The following ATP8B1 variants were observed in gnomAD, a reference collection of about 807,000 sequenced individuals.
ATP8B1 encodes ATPase phospholipid transporting 8B1.
ATP8B1 carries 80 observed loss-of-function variants against 149.9 expected under a neutral mutation model. The ratio of observed to expected loss-of-function variants is 0.53; its 90% CI spans 0.45 to 0.64. The LOEUF is 0.64. ATP8B1 is among the 30% of genes least tolerant of loss of function. The pLI is 0.00. For synonymous variants in ATP8B1, 536 were observed against 562.8 expected (o/e 0.95, Z 0.67); for missense variants, 1,247 against 1,552.6 (o/e 0.80, Z 3.31).
chr18:57,717,819 T>G (rs1215581677), intron 2 of ATP8B1, among the ~76,000 whole-genome samples: 2 of 150,042 alleles, frequency 1.3e-5, no homozygotes, highest in Non-Finnish European at 3.0e-5. Flanking sequence ...CACTGCAACC[T>G]CCGCCTCCCA....
chr18:57,789,343 C>T (rs1176736932), intron 1 of ATP8B1, among the ~76,000 whole-genome samples: 3 of 152,144 alleles, frequency 2.0e-5, no homozygotes, highest in Admixed American at 6.5e-5. Flanking sequence ...TCTGGAAACA[C>T]GACTGCAATT....
intron 1 of ATP8B1, among the ~76,000 whole-genome samples, chr18:57,799,717 A>AAG (rs2080554631): frequency 2.0e-5 from 3 of 151,978 alleles, no homozygotes; most frequent in African/African-American, 4.8e-5. Context: ...AAAAAAAAAA[A>AAG]AAAAGAAAAT....
At chr18:57,792,642 G>C (rs2123455855) in intron 1 of ATP8B1, among the ~76,000 whole-genome samples, 1 of 152,270 alleles carries the variant, frequency 6.6e-6, no homozygotes, top group Middle Eastern at 3.4e-3. Flanking sequence ...TTTCTGTTAG[G>C]GGTGATGAAA....
At position 57,658,312 on chromosome 18, in the gene ATP8B1, A is replaced by G. The variant is rs1291229313; in HGVS notation, c.2707+2862T>C. On this transcript the variant is annotated intron_variant, in intron 22 of 27. Transcript: ENST00000648908. ...TGATCTGCCTGCCTTGGCCTCCCAA[A>G]GTGCTGGGATTACAGGCATGAGCCA... Among the ~76,000 whole-genome samples the G allele has an allele frequency of 2.0e-5, 3 of 152,204 alleles. No individual in the cohort carries two copies. In the East Asian group the frequency reaches 5.8e-4, roughly 29 times the overall value.
chr18:57,701,366 C>G, intron 4 of ATP8B1, 53 bp from the exon 5 acceptor site: 1 of 1,491,308 alleles, frequency 6.7e-7, no homozygotes. Flanking sequence ...ATCAAGCTTA[C>G]AGGTAACTTA....
At chr18:57,675,663 C>T (rs1276720768) in intron 15 of ATP8B1, among the ~76,000 whole-genome samples, 3 of 152,056 alleles carry the variant, frequency 2.0e-5, no homozygotes, top group Non-Finnish European at 2.9e-5. Flanking sequence ...CCTAATGAGT[C>T]GCTAGGGCTA....
chr18:57,692,713 G>A lies in ATP8B1; in HGVS notation c.1030-716C>T, dbSNP rs541458090. ...GTCTCCCAAACTGCTGGGATTACAG[G>A]TGGCCCTCACCCAGCCAGAATTTTT... On this transcript the variant is annotated intron_variant, in intron 11 of 27. Transcript: ENST00000648908. Among the ~76,000 whole-genome samples, 218 of 152,212 alleles carry A rather than the reference G, an allele frequency of 1.4e-3. 1 individual carries two copies. Among genetic ancestry groups the A allele is most frequent in the African/African-American group, 4.6e-3 (193 of 41,520 alleles).
intron 1 of ATP8B1, among the ~76,000 whole-genome samples, chr18:57,758,859 C>T (rs1476961074): frequency 6.6e-6 from 1 of 151,538 alleles, no homozygotes; most frequent in East Asian, 2.0e-4. Flanking sequence ...TCCTGGAAAA[C>T]TTAAAAGAAA....
At chr18:57,648,771 G>A (rs996066768) in intron 27 of ATP8B1, 59 bp from the exon 28 acceptor site, 1 of 1,518,378 alleles carries the variant, frequency 6.6e-7, no homozygotes, top group Non-Finnish European at 8.9e-7. Context: ...GAGGAGGCCT[G>A]GCCAGACGGT....
At chr18:57,669,557 T>C in intron 17 of ATP8B1, 75 bp from the exon 18 acceptor site, 1 of 1,417,494 alleles carries the variant, frequency 7.1e-7, no homozygotes, top group African/African-American at 1.4e-5. Flanking sequence ...AAGTCTGAAA[T>C]TTTACTTTGA....
At chr18:57,757,085 C>G (rs73959340) in intron 1 of ATP8B1, among the ~76,000 whole-genome samples, 1 of 152,144 alleles carries the variant, frequency 6.6e-6, no homozygotes, top group Non-Finnish European at 1.5e-5. Context: ...CTGAGCATGC[C>G]GCTGTAAGCA....
intron 1 of ATP8B1, among the ~76,000 whole-genome samples, chr18:57,745,428 T>G (rs2079955553): frequency 6.6e-6 from 1 of 151,312 alleles, no homozygotes; most frequent in South Asian, 2.1e-4. Context: ...TGCACCACCA[T>G]GCTCGAGTAA....
intron 21 of ATP8B1, among the ~76,000 whole-genome samples, 155 bp from the exon 22 acceptor site, chr18:57,661,617 A>G (rs1910410854): frequency 6.8e-6 from 1 of 147,508 alleles, no homozygotes; most frequent in African/African-American, 2.5e-5. Flanking sequence ...ACATGTATAT[A>G]TATGTGTGCG....
At chr18:57,666,410 T>TC (rs1568185904) in intron 20 of ATP8B1, among the ~76,000 whole-genome samples, 1 of 152,090 alleles carries the variant, frequency 6.6e-6, no homozygotes, top group Non-Finnish European at 1.5e-5. Context: ...GTTTTTTTTT[T>TC]CCTTTCTTCT....
In ATP8B1 at chr18:57,654,085, G is replaced by A. The variant is rs1909826237; in HGVS notation, c.2932-10C>T. Reference sequence around the variant, plus strand: ...AATCCTCGTATGCAGTCTGTGAGGGGATGACAGAGGCTCCATGTCACCAAC... The same window carrying A: ...AATCCTCGTATGCAGTCTGTGAGGGAATGACAGAGGCTCCATGTCACCAAC... On this transcript the variant is annotated splice_polypyrimidine_tract_variant and intron_variant, in intron 23 of 27. Transcript: ENST00000648908. 6.2e-7 allele frequency: 1 copy of A among 1,608,142 alleles called. No homozygotes were observed. The highest frequency in any genetic ancestry group is 8.5e-7 in the Non-Finnish European group (1 of 1,174,688).
At chr18:57,680,704 T>G (rs1300068917) in intron 15 of ATP8B1, among the ~76,000 whole-genome samples, 2 of 54,636 alleles carry the variant, frequency 3.7e-5, no homozygotes, top group African/African-American at 1.3e-4. Context: ...TTAAATGATT[T>G]GCCAAGTGTC....
intron 1 of ATP8B1, among the ~76,000 whole-genome samples, chr18:57,759,283 C>G (rs1056452259): frequency 6.6e-6 from 1 of 151,758 alleles, no homozygotes; most frequent in Non-Finnish European, 1.5e-5. Flanking sequence ...TCTAGCTTTC[C>G]TTTAAAGACT....
intron 2 of ATP8B1, among the ~76,000 whole-genome samples, chr18:57,710,585 G>GA (rs79863361): frequency 7.3e-4 from 110 of 149,974 alleles, no homozygotes; most frequent in African/African-American, 1.3e-3. Flanking sequence ...ACATCAAAAA[G>GA]AAAAAAAAAC....
In ATP8B1 at chr18:57,698,130, G is replaced by A. The variant is rs319436; in HGVS notation, c.555-263C>T. Among the ~76,000 whole-genome samples the A allele has an allele frequency of 0.41, 61,967 of 151,860 alleles. 14,054 individuals carry two copies. The highest frequency in any genetic ancestry group is 0.68 in the East Asian group (3,516 of 5,142). On this transcript the variant is annotated intron_variant, in intron 6 of 27. Transcript: ENST00000648908. ...GAGTTTATGGGGGCCACTTATGTGC[G>A]TGGCAGGGAAATACTTGCCACCCCC... is the stretch of plus-strand genomic sequence containing the variant.
Sources: gnomAD v4.1 joint callset for allele counts (sites outside exome capture counted in the v4.1 genomes callset) on GRCh38, gnomAD v4.1.1 for gene constraint, MANE v1.5 for transcripts, NCBI Gene and HGNC (gene_info 2026-07-23, HGNC 2026-07-21) for gene names.